Variants in MYO3B observed in about 807,000 individuals in gnomAD.
MYO3B encodes myosin IIIB, also known as myosin-IIIb.
In MYO3B, 156 loss-of-function variants were observed where a neutral mutation model predicts 174.6. That is an observed-to-expected ratio of 0.89 (90% CI 0.78 to 1.02). The LOEUF (loss-of-function observed/expected upper bound fraction) is 1.02, where lower values mean the gene tolerates loss of function less well. Ranked by LOEUF, MYO3B falls within the 50% of genes least tolerant of loss-of-function variation. The probability of loss-of-function intolerance (pLI) is 0.00; values close to 1 mark genes in which losing one functional copy is unlikely to be tolerated. For synonymous variants in MYO3B, 563 were observed against 569.1 expected (o/e 0.99, Z 0.15); for missense variants, 1,632 against 1,639.4 (o/e 1.00, Z 0.08).
intron 7 of MYO3B, among the ~76,000 whole-genome samples, chr2:170,279,003 G>A (rs1229420882): frequency 6.6e-6 from 1 of 151,888 alleles, no homozygotes; most frequent in African/African-American, 2.4e-5. Context: ...TAATTCCATT[G>A]GGTAAATATA....
intron 29 of MYO3B, 73 bp from the exon 30 acceptor site, chr2:170,519,365 G>C: frequency 8.6e-7 from 1 of 1,157,654 alleles, no homozygotes. Flanking sequence ...GCTGCAGAGA[G>C]TGTAGATGGG....
intron 28 of MYO3B, among the ~76,000 whole-genome samples, chr2:170,506,722 C>T (rs373089581): frequency 6.6e-6 from 1 of 152,194 alleles, no homozygotes; most frequent in African/African-American, 2.4e-5. Flanking sequence ...TATTATAAAA[C>T]ACAGCCAAGT....
At chr2:170,194,216 T>C (rs2092573274) in intron 1 of MYO3B, among the ~76,000 whole-genome samples, 2 of 152,292 alleles carry the variant, frequency 1.3e-5, no homozygotes, top group South Asian at 4.1e-4. Flanking sequence ...CTTCGAAACT[T>C]TGTACATTCT....
At chr2:170,325,602 A>G (rs762607306) in intron 7 of MYO3B, among the ~76,000 whole-genome samples, 2 of 152,150 alleles carry the variant, frequency 1.3e-5, no homozygotes, top group Non-Finnish European at 2.9e-5. Flanking sequence ...ATGCTAGAGG[A>G]TGAGAAGTGA....
At position 170,645,807 on chromosome 2, in the gene MYO3B, T is replaced by C. The variant is rs73013545; in HGVS notation, c.3734-5821T>C. Reference sequence around the variant, plus strand: ...GCATAGATTTAGTCAATGTGCTATATGTTATTTTGTATTTTACTTCTTTTT... The same window carrying C: ...GCATAGATTTAGTCAATGTGCTATACGTTATTTTGTATTTTACTTCTTTTT... On this transcript the variant is annotated intron_variant, in intron 32 of 34. Coordinates refer to ENST00000408978, the MANE Select transcript of MYO3B (RefSeq NM_138995.5). 4.6e-3 allele frequency among the ~76,000 whole-genome samples: 697 copies of C among 152,374 alleles called. 7 individuals are homozygous for C. Among genetic ancestry groups the C allele is most frequent in the African/African-American group, 0.016 (656 of 41,590 alleles).
intron 25 of MYO3B, among the ~76,000 whole-genome samples, chr2:170,478,889 TACACACACACACAC>T (rs143792197): frequency 3.6e-5 from 5 of 137,310 alleles, no homozygotes; most frequent in South Asian, 2.4e-4. Flanking sequence ...AGGTTTTACA[TACACACACACACAC>T]ACACACACAC....
intron 32 of MYO3B, among the ~76,000 whole-genome samples, chr2:170,601,413 A>G (rs1280750515): frequency 6.6e-6 from 1 of 152,238 alleles, no homozygotes; most frequent in Admixed American, 6.5e-5. Context: ...GTTAGTGGCT[A>G]TTGAAAATAC....
intron 23 of MYO3B, among the ~76,000 whole-genome samples, chr2:170,457,041 CAT>C (rs1312194900): frequency 6.6e-6 from 1 of 152,122 alleles, no homozygotes; most frequent in Admixed American, 6.5e-5. Context: ...TGTATCTAAA[CAT>C]AGAAAAGATA....
chr2:170,434,457 TC>T (rs2094735926), intron 22 of MYO3B, among the ~76,000 whole-genome samples: 1 of 152,194 alleles, frequency 6.6e-6, no homozygotes, highest in African/African-American at 2.4e-5. Flanking sequence ...GGGTTCTTAT[TC>T]CTGACGCACG....
At chr2:170,646,840 TTCG>T in intron 32 of MYO3B, 1 of 887,450 alleles carries the variant, frequency 1.1e-6, no homozygotes, top group Non-Finnish European at 1.7e-6. Flanking sequence ...ATTGAAGCTG[TTCG>T]TCAGGATAGT....
At chr2:170,630,995 C>T (rs1036713839) in intron 32 of MYO3B, among the ~76,000 whole-genome samples, 1 of 152,228 alleles carries the variant, frequency 6.6e-6, no homozygotes, top group Non-Finnish European at 1.5e-5. Flanking sequence ...CAGAGTGCCC[C>T]TTCTCCTCCA....
intron 30 of MYO3B, 59 bp downstream of exon 30, chr2:170,519,599 T>C: frequency 2.3e-6 from 3 of 1,300,228 alleles, no homozygotes; most frequent in Non-Finnish European, 3.3e-6. Context: ...TTCTAATGGA[T>C]AATGAAATGG....
At chr2:170,378,315 G>A (rs547288605) in intron 9 of MYO3B, among the ~76,000 whole-genome samples, 3 of 152,264 alleles carry the variant, frequency 2.0e-5, no homozygotes, top group East Asian at 3.9e-4. Flanking sequence ...GGCAGAAATA[G>A]TGCTACACAT....
At chr2:170,213,114 T>C (rs2092789871) in intron 3 of MYO3B, among the ~76,000 whole-genome samples, 1 of 152,222 alleles carries the variant, frequency 6.6e-6, no homozygotes, top group Admixed American at 6.5e-5. Flanking sequence ...AACCTGCACG[T>C]TGACTTCTGC....
chr2:170,652,847 C>T, intron 34 of MYO3B, 136 bp from the exon 35 acceptor site: 2 of 890,254 alleles, frequency 2.2e-6, no homozygotes, highest in East Asian at 5.0e-5. Flanking sequence ...CCCTGAGCTA[C>T]CTAGGAGCTG....
chr2:170,408,777 C>T lies in MYO3B; in HGVS notation c.2650+933C>T, dbSNP rs533364335. ...CTGGCTAAGAAAAAAAAAAAAGCCA[C>T]AGTCTACAGCCTTTGCTTCATCTTA... is the stretch of plus-strand genomic sequence containing the variant. On this transcript the variant is annotated intron_variant, in intron 22 of 34. Transcript: ENST00000408978. 2.7e-3 allele frequency among the ~76,000 whole-genome samples: 273 copies of T among 102,094 alleles called. 1 individual carries two copies. Among genetic ancestry groups the T allele is most frequent in the African/African-American group, 7.2e-3 (240 of 33,106 alleles). The allele number at this position is 102,094 out of a possible 152,430, so 67.0% of individuals were successfully genotyped here. A position where few individuals can be genotyped will look rare whatever the true frequency, so the allele number is the denominator to read the frequency against.
chr2:170,253,987 C>G (rs1269924467), intron 7 of MYO3B, among the ~76,000 whole-genome samples: 1 of 152,036 alleles, frequency 6.6e-6, no homozygotes, highest in Non-Finnish European at 1.5e-5. Context: ...AATCATCACA[C>G]TTTGAACAGA....
At position 170,558,054 on chromosome 2, in the gene MYO3B, C is replaced by A. The variant is rs550387516; in HGVS notation, c.3733+14066C>A. Reference sequence around the variant, plus strand: ...CCGTGGCTCATGCCTGTAATCCCAACACTTTGGGAGACCAAGGCGGGCGGA... The same window carrying A: ...CCGTGGCTCATGCCTGTAATCCCAAAACTTTGGGAGACCAAGGCGGGCGGA... On this transcript the variant is annotated intron_variant, in intron 32 of 34. Transcript: ENST00000408978. Among the ~76,000 whole-genome samples the A allele has an allele frequency of 9.9e-5, 15 of 152,216 alleles. No homozygotes were observed. The East Asian group carries it at 2.9e-3, about 29-fold the overall frequency.
intron 7 of MYO3B, among the ~76,000 whole-genome samples, chr2:170,253,649 C>G (rs183983924): frequency 7.4e-4 from 112 of 151,932 alleles, no homozygotes; most frequent in Middle Eastern, 3.4e-3. Flanking sequence ...AGGGCTACTC[C>G]CACATTTATA....
Sources: gnomAD v4.1 joint callset for allele counts (sites outside exome capture counted in the v4.1 genomes callset) on GRCh38, gnomAD v4.1.1 for gene constraint, MANE v1.5 for transcripts, NCBI Gene and HGNC (gene_info 2026-07-23, HGNC 2026-07-21) for gene names.